ASCC2: variants seen among roughly 807,000 people sequenced by gnomAD.
The protein encoded by ASCC2 is ASC-1 complex subunit P100.
ASCC2 carries 42 observed loss-of-function variants against 93.5 expected under a neutral mutation model. That is an observed-to-expected ratio of 0.45 (90% CI 0.35 to 0.58). The LOEUF (loss-of-function observed/expected upper bound fraction) is 0.58. Ranked by LOEUF, ASCC2 falls within the 20% of genes least tolerant of loss-of-function variation. The pLI, the probability that ASCC2 is intolerant of heterozygous loss-of-function variation, is 0.00. For missense variants in ASCC2, 859 were observed against 977.6 expected (o/e 0.88, Z 1.62); for synonymous variants, 364 against 384.2 (o/e 0.95, Z 0.62).
In ASCC2 at chr22:29,790,770, C is replaced by G. The variant is rs574638653; in HGVS notation, c.2023-222G>C. Among the ~76,000 whole-genome samples, 71 of 152,314 alleles carry G rather than the reference C, an allele frequency of 4.7e-4. 1 individual carries two copies. In the East Asian group the frequency reaches 0.013, roughly 27 times the overall value. On this transcript the variant is annotated intron_variant, in intron 18 of 19. Transcript: ENST00000307790. ...CACCTCTTCCCTGAGCGGGTGGCAG[C>G]TGAAGGGACTGAGGCTTCCTGGACA...
intron 1 of ASCC2, chr22:29,836,438 C>G (rs953318005): frequency 6.7e-6 from 1 of 150,268 alleles, no homozygotes; most frequent in African/African-American, 2.5e-5. Flanking sequence ...AGTATTTCAC[C>G]TGAAGGCAGT....
intron 19 of ASCC2, 151 bp from the exon 20 acceptor site, chr22:29,789,335 GC>G: frequency 1.0e-6 from 1 of 970,492 alleles, no homozygotes; most frequent in Non-Finnish European, 1.6e-6. Flanking sequence ...GAGAGATGGA[GC>G]CCAGCAGGGG....
In ASCC2 at chr22:29,806,160, C is replaced by T; in HGVS notation, c.1160+56G>A. On this transcript the variant is annotated intron_variant, in intron 12 of 19. Transcript: ENST00000307790. ...TCCTCTGGGTTCCAGCAGCCTGTCT[C>T]ACCTCTGACCTAGTCAAGCTGGGCC... is the stretch of plus-strand genomic sequence containing the variant. The T allele has an allele frequency of 4.5e-6, 7 of 1,571,474 alleles. No individual in the cohort carries two copies. In the South Asian group the frequency reaches 6.7e-5, roughly 15 times the overall value.
At chr22:29,807,091 A>T (rs2059756221) in intron 9 of ASCC2, among the ~76,000 whole-genome samples, 187 bp from the exon 10 acceptor site, 1 of 151,920 alleles carries the variant, frequency 6.6e-6, no homozygotes, top group Admixed American at 6.6e-5. Context: ...AATACAAAAA[A>T]TTAGTCAAGT....
rs902745121 is a variant in ASCC2, at chr22:29,825,932, G to A, written c.82-152C>T. The A allele has an allele frequency of 3.7e-6, 3 of 809,768 alleles. No homozygotes were observed. The highest frequency in any genetic ancestry group is 5.9e-6 in the Non-Finnish European group (3 of 512,670). 50.2% of individuals were successfully genotyped at this position (809,768 alleles called of 1,614,324 possible). A position where few individuals can be genotyped will look rare whatever the true frequency, so the allele number is the denominator to read the frequency against. On this transcript the variant is annotated intron_variant, in intron 2 of 19. Transcript: ENST00000307790. The surrounding 1 kb of genome is among the most constrained non-coding windows in gnomAD (Gnocchi z 4.9). The stretch of plus-strand genomic sequence containing the variant: ...AAGAACCAAGTGTATCTAACAAAGA[G>A]GGCATGGTTGCATTCAGCGAACACT...
At chr22:29,796,210 G>A (rs1196211568) in intron 15 of ASCC2, among the ~76,000 whole-genome samples, 1 of 152,064 alleles carries the variant, frequency 6.6e-6, no homozygotes, top group Non-Finnish European at 1.5e-5. Context: ...CCGGGTTCAA[G>A]CGATTCTCCT....
At chr22:29,790,437 G>T in intron 19 of ASCC2, 32 bp downstream of exon 19, 2 of 1,612,386 alleles carry the variant, frequency 1.2e-6, no homozygotes, top group South Asian at 1.1e-5. Flanking sequence ...GGTGGGAGGG[G>T]TCCCCCCAGA....
chr22:29,823,430 T>C (rs2061850549), intron 4 of ASCC2, among the ~76,000 whole-genome samples: 1 of 152,202 alleles, frequency 6.6e-6, no homozygotes, highest in African/African-American at 2.4e-5. Context: ...TAGTATGATA[T>C]CTAGGATTGC....
At chr22:29,821,358 C>T (rs914498716) in intron 5 of ASCC2, among the ~76,000 whole-genome samples, 5 of 152,176 alleles carry the variant, frequency 3.3e-5, no homozygotes, top group African/African-American at 1.2e-4. Flanking sequence ...TGACACAGTG[C>T]CATCATCCCT....
At chr22:29,796,427 G>A (rs1479292715) in intron 15 of ASCC2, among the ~76,000 whole-genome samples, 1 of 152,124 alleles carries the variant, frequency 6.6e-6, no homozygotes, top group Non-Finnish European at 1.5e-5. Flanking sequence ...CAGTCAACAC[G>A]AAATGTGCTG....
At chr22:29,792,629 G>A (rs779640883) in intron 17 of ASCC2, 94 bp from the exon 18 acceptor site, 57 of 1,521,458 alleles carry the variant, frequency 3.7e-5, no homozygotes, top group East Asian at 4.7e-5. Flanking sequence ...AGATGGGGCC[G>A]CCAGGAGGGC....
intron 15 of ASCC2, among the ~76,000 whole-genome samples, chr22:29,794,286 G>A (rs1325246135): frequency 6.6e-6 from 1 of 151,936 alleles, no homozygotes; most frequent in African/African-American, 2.4e-5. Context: ...AAGGTCAGGA[G>A]TTCAAGACCA....
intron 5 of ASCC2, 31 bp downstream of exon 5, chr22:29,822,304 G>A (rs769048660): frequency 2.5e-6 from 4 of 1,611,202 alleles, no homozygotes; most frequent in Non-Finnish European, 3.4e-6. Flanking sequence ...GGCCATCTTG[G>A]TGCATCCTCC....
chr22:29,805,680 C>T (rs1415233699), intron 12 of ASCC2, among the ~76,000 whole-genome samples: 3 of 152,182 alleles, frequency 2.0e-5, no homozygotes, highest in Admixed American at 1.3e-4. Flanking sequence ...GCCCCCTGTA[C>T]TCTATACACG....
intron 5 of ASCC2, among the ~76,000 whole-genome samples, chr22:29,821,011 G>A (rs868148367): frequency 6.6e-6 from 1 of 152,014 alleles, no homozygotes; most frequent in African/African-American, 2.4e-5. Context: ...GTGTCCTACA[G>A]TCTCCAGGTG....
At chr22:29,824,478 T>C (rs919931481) in intron 4 of ASCC2, among the ~76,000 whole-genome samples, 1 of 151,866 alleles carries the variant, frequency 6.6e-6, no homozygotes, top group Non-Finnish European at 1.5e-5. Context: ...TAGCCAGGCA[T>C]GATGGTGCAT....
At chr22:29,831,817 A>T (rs2063185512) in intron 2 of ASCC2, among the ~76,000 whole-genome samples, 1 of 152,158 alleles carries the variant, frequency 6.6e-6, no homozygotes, top group Non-Finnish European at 1.5e-5. Context: ...GTTGAGATAA[A>T]AGACGGCCCA....
chr22:29,806,605 AGCTCCTTTACACACCCGCTGCC>A (rs758905257), intron 10 of ASCC2, 52 bp from the exon 11 acceptor site: 2 of 1,555,136 alleles, frequency 1.3e-6, no homozygotes, highest in African/African-American at 2.7e-5. Context: ...GATGAGCTGC[AGCTCCTTTACACACCCGCTGCC>A]CCTCTTTAAG....
intron 5 of ASCC2, among the ~76,000 whole-genome samples, chr22:29,820,650 A>G (rs1035412486): frequency 5.9e-5 from 9 of 151,854 alleles, no homozygotes; most frequent in African/African-American, 1.9e-4. Flanking sequence ...AAGAAAAAAA[A>G]AGGCTGGGCG....
Sources: allele counts gnomAD v4.1 joint callset (sites outside exome capture counted in the v4.1 genomes callset), GRCh38; gene constraint gnomAD v4.1.1; non-coding constraint Gnocchi (gnomAD v3.1); transcripts MANE v1.5; gene names NCBI Gene and HGNC (gene_info 2026-07-23, HGNC 2026-07-21).